ZC3H11A: variants seen among roughly 807,000 people sequenced by gnomAD.
The protein encoded by ZC3H11A is zinc finger CCCH-type containing 11A.
A neutral mutation model predicts 90.8 loss-of-function variants in ZC3H11A; 22 were observed. That is an observed-to-expected ratio of 0.24 (90% CI 0.17 to 0.35). The LOEUF (loss-of-function observed/expected upper bound fraction) is 0.35. Among genes scored for constraint, ZC3H11A ranks in the 10% least tolerant of loss-of-function variants. The probability of loss-of-function intolerance (pLI) is 1.00; values close to 1 mark genes in which losing one functional copy is unlikely to be tolerated. For missense variants in ZC3H11A, 701 were observed against 964.9 expected (o/e 0.73, Z 3.62); for synonymous variants, 294 against 339.8 (o/e 0.87, Z 1.48).
intron 2 of ZC3H11A, among the ~76,000 whole-genome samples, chr1:203,811,971 A>G (rs1157020313): frequency 6.6e-6 from 1 of 151,648 alleles, no homozygotes; most frequent in East Asian, 1.9e-4. Flanking sequence ...GTGTGCCACC[A>G]TGCTTGGCTA....
At position 203,848,372 on chromosome 1, in the gene ZC3H11A, G is replaced by T; in HGVS notation, c.1588G>T (p.Asp530Tyr). The T allele has an allele frequency of 6.2e-7, 1 of 1,613,328 alleles. No homozygotes were observed. The highest frequency in any genetic ancestry group is 1.1e-5 in the South Asian group (1 of 90,880). Residue 530 changes from aspartate (D) to tyrosine (Y), a missense_variant, in exon 14 of 18, where the codon GAT (aspartate) becomes TAT (tyrosine). Asp to Tyr is a radical substitution (Grantham distance 160, BLOSUM62 -3). Transcript: ENST00000367210. ...EKNLQEGNEV[D>Y]SQSSIRTEAK... ...GAACCTTCAGGAAGGAAATGAAGTT[G>T]ATTCTCAGAGCAGTATTAGAACAGA...
At chr1:203,842,935 T>TA (rs368488975) in intron 12 of ZC3H11A, among the ~76,000 whole-genome samples, 1 of 151,552 alleles carries the variant, frequency 6.6e-6, no homozygotes, top group Non-Finnish European at 1.5e-5. Flanking sequence ...TTTTTTTTTT[T>TA]AATACCTTGC....
At chr1:203,817,746 GA>G (rs1271457546) in intron 3 of ZC3H11A, among the ~76,000 whole-genome samples, 2 of 151,618 alleles carry the variant, frequency 1.3e-5, no homozygotes, top group African/African-American at 4.8e-5. Flanking sequence ...CAGTCATCTT[GA>G]TTTTTTTTTT....
At chr1:203,848,159 A>G (rs552185775) in intron 13 of ZC3H11A, among the ~76,000 whole-genome samples, 172 bp from the exon 14 acceptor site, 1 of 152,242 alleles carries the variant, frequency 6.6e-6, no homozygotes, top group Non-Finnish European at 1.5e-5. Context: ...TGCCCGGCCA[A>G]CCTTTGCTAT....
At chr1:203,799,572 C>CT in intron 1 of ZC3H11A, 1 of 703,046 alleles carries the variant, frequency 1.4e-6, no homozygotes, top group Non-Finnish European at 2.6e-6. Context: ...TCAGTGGACT[C>CT]TAATGACTTA....
intron 4 of ZC3H11A, among the ~76,000 whole-genome samples, chr1:203,825,575 C>T (rs574558255): frequency 6.6e-6 from 1 of 152,020 alleles, no homozygotes; most frequent in South Asian, 2.1e-4. Flanking sequence ...GCTGGGACTA[C>T]AGGCGCCCTC....
intron 2 of ZC3H11A, among the ~76,000 whole-genome samples, chr1:203,804,152 G>T (rs11240535): frequency 0.074 from 7,788 of 105,074 alleles, 695 homozygotes; most frequent in East Asian, 0.43. Flanking sequence ...CTGTATATGT[G>T]TTTTTTTTTT....
chr1:203,840,370 A>G lies in ZC3H11A; in HGVS notation c.1038A>G (p.Ala346=), dbSNP rs775223769. ...GMSADPDNED[A]TDKVNKVGEI... is the part of the protein sequence containing the mutation. ...CAGCTGATCCAGATAATGAGGATGC[A>G]ACAGGTAAGTAAATCCTAAGACCAG... The change falls in exon 12 of 18, where the codon GCA becomes GCG. Residue 346 remains alanine, a synonymous_variant. Coordinates refer to ENST00000367210, the MANE Select transcript of ZC3H11A (RefSeq NM_001376342.1). 1.2e-6 allele frequency: 2 copies of G among 1,612,432 alleles called. No homozygotes were observed. The highest frequency in any genetic ancestry group is 2.2e-5 in the South Asian group (2 of 90,900).
chr1:203,844,633 C>G (rs1687378627), intron 12 of ZC3H11A, among the ~76,000 whole-genome samples: 1 of 152,008 alleles, frequency 6.6e-6, no homozygotes, highest in African/African-American at 2.4e-5. Context: ...TTTAAAGACC[C>G]TTTCCCCAAG....
chr1:203,847,385 A>G lies in ZC3H11A; in HGVS notation c.1244A>G (p.His415Arg), dbSNP rs1688181973. The G allele has an allele frequency of 6.2e-7, 1 of 1,614,000 alleles. No individual in the cohort carries two copies. The highest frequency in any genetic ancestry group is 8.5e-7 in the Non-Finnish European group (1 of 1,179,870). Residue 415 changes from histidine (H) to arginine (R), a missense_variant, in exon 13 of 18, where the codon CAT becomes CGT. By Grantham distance (29) the His-to-Arg change is conservative. Transcript: ENST00000367210. Reference protein sequence around the residue: ...TFSEVLAEKKHRQQEAERQKS... With the variant: ...TFSEVLAEKKRRQQEAERQKS... ...TCTGAGGTCCTGGCTGAAAAAAAAC[A>G]TCGGCAGCAGGAAGCAGAGAGACAA...
chr1:203,811,287 A>C (rs1179991432), intron 2 of ZC3H11A, among the ~76,000 whole-genome samples: 1 of 152,188 alleles, frequency 6.6e-6, no homozygotes, highest in Non-Finnish European at 1.5e-5. Flanking sequence ...CAGCCTGGGC[A>C]ACAAGAGCAA....
At chr1:203,805,048 T>C (rs1378421978) in intron 2 of ZC3H11A, among the ~76,000 whole-genome samples, 2 of 152,128 alleles carry the variant, frequency 1.3e-5, no homozygotes, top group Non-Finnish European at 2.9e-5. Context: ...ATAAATGTCC[T>C]ATTCATCAAA....
At chr1:203,845,084 C>G (rs867068199) in intron 12 of ZC3H11A, among the ~76,000 whole-genome samples, 2 of 151,996 alleles carry the variant, frequency 1.3e-5, no homozygotes, top group South Asian at 2.1e-4. Context: ...TTTCCTTTGA[C>G]TGTATTGGGA....
intron 1 of ZC3H11A, chr1:203,800,386 A>G (rs1176168785): frequency 4.9e-6 from 5 of 1,026,120 alleles, no homozygotes; most frequent in Non-Finnish European, 7.3e-6. Flanking sequence ...AACTACGATT[A>G]TTCTACGTTG....
intron 4 of ZC3H11A, among the ~76,000 whole-genome samples, chr1:203,824,248 A>G (rs763245720): frequency 2.0e-5 from 3 of 150,134 alleles, no homozygotes; most frequent in South Asian, 2.1e-4. Flanking sequence ...AGCCTGGGCT[A>G]CACAGTAAGA....
At chr1:203,848,676 A>G (rs1314462330) in intron 14 of ZC3H11A, among the ~76,000 whole-genome samples, 1 of 152,204 alleles carries the variant, frequency 6.6e-6, no homozygotes, top group Admixed American at 6.5e-5. Context: ...TCACGAGGTC[A>G]GGAGATTGAG....
chr1:203,846,160 T>G (rs12739137), intron 12 of ZC3H11A, among the ~76,000 whole-genome samples: 49 of 132,030 alleles, frequency 3.7e-4, no homozygotes, highest in Middle Eastern at 3.8e-3. Flanking sequence ...ATAATTTTTT[T>G]GGGGGGGGGG....
Position 203,852,217 on chromosome 1 carries a change from A to G in ZC3H11A, c.2251A>G (p.Ser751Gly). 4 of 1,613,486 alleles carry G rather than the reference A, an allele frequency of 2.5e-6. No individual in the cohort carries two copies. Among genetic ancestry groups the G allele is most frequent in the Non-Finnish European group, 2.5e-6 (3 of 1,179,792 alleles). ...GTCTGGCCCTTCCTCATCCCAAATG[A>G]GCATGAAAACTCGCCGACTCAGCTC... ...EVSGPSSSQM[S>G]MKTRRLSSAS... The change falls in exon 18 of 18, where the codon AGC (serine) becomes GGC (glycine). Residue 751 changes from serine to glycine, a missense_variant. Ser to Gly is a moderately conservative substitution (Grantham distance 56). This residue lies in a region of ZC3H11A where 91 missense variants were observed against 86.8 expected (regional missense o/e 1.05). Coordinates refer to ENST00000367210, the MANE Select transcript of ZC3H11A (RefSeq NM_001376342.1).
At chr1:203,833,400 T>G (rs1572206854) in intron 9 of ZC3H11A, among the ~76,000 whole-genome samples, 1 of 143,764 alleles carries the variant, frequency 7.0e-6, no homozygotes, top group African/African-American at 2.6e-5. Context: ...GGTGTGGTAG[T>G]GTGCGCAGTA....
Sources: allele counts gnomAD v4.1 joint callset (sites outside exome capture counted in the v4.1 genomes callset), GRCh38; gene constraint gnomAD v4.1.1; regional missense constraint gnomAD v4.1.1; transcripts MANE v1.5; gene names NCBI Gene and HGNC (gene_info 2026-07-23, HGNC 2026-07-21).